Variants in MAGI2 observed in about 807,000 individuals in gnomAD.
MAGI2 encodes the protein membrane associated guanylate kinase, WW and PDZ domain containing 2.
A neutral mutation model predicts 133.3 loss-of-function variants in MAGI2; 35 were observed. The ratio of observed to expected loss-of-function variants is 0.26; its 90% confidence interval spans 0.20 to 0.35. MAGI2 has a LOEUF of 0.35. Ranked by LOEUF, MAGI2 falls within the 10% of genes least tolerant of loss-of-function variation. The pLI, the probability that MAGI2 is intolerant of heterozygous loss-of-function variation, is 1.00. For synonymous variants in MAGI2, 729 were observed against 710.6 expected, an observed-to-expected ratio of 1.03 and a Z score of -0.41; for missense variants, 1,636 against 1,863.4, an observed-to-expected ratio of 0.88 and a Z score of 2.25.
At chr7:78,957,030 G>A (rs12537792) in intron 2 of MAGI2, among the ~76,000 whole-genome samples, 84,173 of 151,680 alleles carry the variant, frequency 0.55, 23,772 homozygotes, top group Non-Finnish European at 0.6. Flanking sequence ...TTGGGAGGCC[G>A]AGGTGGGTGG....
intron 1 of MAGI2, among the ~76,000 whole-genome samples, chr7:79,322,997 C>A (rs1839314998): frequency 6.6e-6 from 1 of 152,028 alleles, no homozygotes; most frequent in South Asian, 2.1e-4. Context: ...CACCATTACT[C>A]CTCAGCTTAT....
intron 10 of MAGI2, among the ~76,000 whole-genome samples, chr7:78,206,973 T>G (rs1233583884): frequency 6.6e-6 from 1 of 152,246 alleles, no homozygotes; most frequent in Non-Finnish European, 1.5e-5. Context: ...TTGAATACAC[T>G]TAACATTGTT....
At chr7:78,295,424 A>AAGAT (rs1399817893) in intron 9 of MAGI2, among the ~76,000 whole-genome samples, 5 of 152,318 alleles carry the variant, frequency 3.3e-5, no homozygotes, top group Admixed American at 6.5e-5. Flanking sequence ...CACTGAAGGA[A>AAGAT]AGATAGCCTC....
chr7:79,108,701 A>T (rs1466329139), intron 1 of MAGI2, among the ~76,000 whole-genome samples: 2 of 152,216 alleles, frequency 1.3e-5, no homozygotes, highest in Admixed American at 1.3e-4. Context: ...TTCATGGGAA[A>T]AGTGACTTGA....
At chr7:78,422,080 A>G (rs1798851842) in intron 6 of MAGI2, among the ~76,000 whole-genome samples, 1 of 152,214 alleles carries the variant, frequency 6.6e-6, no homozygotes, top group Non-Finnish European at 1.5e-5. Flanking sequence ...CCTCTCAAGC[A>G]GGTCCTGGTA....
chr7:78,546,730 G>C (rs1467465283), intron 3 of MAGI2, among the ~76,000 whole-genome samples: 11 of 152,080 alleles, frequency 7.2e-5, no homozygotes, highest in East Asian at 5.8e-4. Flanking sequence ...TTAGGATTAG[G>C]AGTATAACCT....
intron 1 of MAGI2, among the ~76,000 whole-genome samples, chr7:79,228,254 G>T (rs952127349): frequency 6.7e-6 from 1 of 149,884 alleles, no homozygotes. Context: ...TGAGGTTGGG[G>T]ATTGCTGGAC....
chr7:79,190,932 T>C (rs934040487), intron 1 of MAGI2, among the ~76,000 whole-genome samples: 3 of 151,874 alleles, frequency 2.0e-5, no homozygotes, highest in Non-Finnish European at 2.9e-5. Flanking sequence ...AAATAAGATA[T>C]AAATTTTCTC....
chr7:78,217,602 T>C (rs1788399503), intron 10 of MAGI2, among the ~76,000 whole-genome samples: 1 of 152,122 alleles, frequency 6.6e-6, no homozygotes, highest in Non-Finnish European at 1.5e-5. Flanking sequence ...GGAAGTAGAG[T>C]TCTGATGGCA....
At chr7:78,983,877 G>C (rs577986686) in intron 2 of MAGI2, among the ~76,000 whole-genome samples, 2 of 151,754 alleles carry the variant, frequency 1.3e-5, no homozygotes, top group East Asian at 3.9e-4. Context: ...TATTTCCCTG[G>C]TTTTACATAT....
At chr7:79,186,998 C>T (rs1329380591) in intron 1 of MAGI2, among the ~76,000 whole-genome samples, 1 of 150,810 alleles carries the variant, frequency 6.6e-6, no homozygotes, top group East Asian at 1.9e-4. Context: ...GATACAAATG[C>T]TAATATTTGG....
At chr7:78,070,616 ATGTG>A (rs1274874701) in intron 21 of MAGI2, among the ~76,000 whole-genome samples, 40 of 128,202 alleles carry the variant, frequency 3.1e-4, no homozygotes, top group African/African-American at 9.9e-4. Flanking sequence ...GTATATATAT[ATGTG>A]TGTGTGTGTG....
intron 6 of MAGI2, among the ~76,000 whole-genome samples, chr7:78,417,400 A>T (rs1417966013): frequency 1.3e-5 from 2 of 151,966 alleles, no homozygotes; most frequent in African/African-American, 4.8e-5. Context: ...ACATTCACAG[A>T]TCTCTCTGAT....
At chr7:78,127,463 A>G (rs1381439462) in intron 18 of MAGI2, 47 bp from the exon 19 acceptor site, 2 of 1,463,024 alleles carry the variant, frequency 1.4e-6, no homozygotes, top group Non-Finnish European at 1.9e-6. Flanking sequence ...TGCATTCTAA[A>G]GAGGCTAGAG....
At chr7:78,965,232 T>C (rs114820158) in intron 2 of MAGI2, among the ~76,000 whole-genome samples, 4,011 of 151,770 alleles carry the variant, frequency 0.026, 173 homozygotes, top group African/African-American at 0.091. Flanking sequence ...ATTATCAATG[T>C]ATGATAAAGA....
intron 2 of MAGI2, among the ~76,000 whole-genome samples, chr7:78,886,603 CA>C (rs1796291043): frequency 6.6e-6 from 1 of 152,122 alleles, no homozygotes; most frequent in African/African-American, 2.4e-5. Context: ...TGTCTGGAGG[CA>C]ACATTTGGAG....
chr7:78,048,980 C>A (rs576631026), intron 21 of MAGI2, among the ~76,000 whole-genome samples: 1 of 151,410 alleles, frequency 6.6e-6, no homozygotes, highest in African/African-American at 2.4e-5. Flanking sequence ...TGGTGGCGTG[C>A]GCCTGTAATC....
chr7:78,791,329 T>A (rs879927913), intron 2 of MAGI2, among the ~76,000 whole-genome samples: 8 of 152,184 alleles, frequency 5.3e-5, no homozygotes, highest in Non-Finnish European at 1.2e-4. Flanking sequence ...AGGTATAATT[T>A]TTTTCCCTTA....
chr7:79,117,652 T>A (rs910093747), intron 1 of MAGI2, among the ~76,000 whole-genome samples: 2 of 152,210 alleles, frequency 1.3e-5, no homozygotes, highest in Non-Finnish European at 2.9e-5. Flanking sequence ...CAGAAATTAT[T>A]ACTACACAAT....
Sources: allele counts gnomAD v4.1 joint callset (sites outside exome capture counted in the v4.1 genomes callset), GRCh38; gene constraint gnomAD v4.1.1; transcripts MANE v1.5; gene names NCBI Gene and HGNC (gene_info 2026-07-23, HGNC 2026-07-21).